MORC1: variants seen among roughly 807,000 people sequenced by gnomAD.
MORC1 encodes MORC family CW-type zinc finger 1.
A neutral mutation model predicts 134.9 loss-of-function variants in MORC1; 59 were observed. That is an observed-to-expected ratio of 0.44 (90% CI 0.35 to 0.54). The LOEUF (loss-of-function observed/expected upper bound fraction) is 0.54. Ranked by LOEUF, MORC1 falls within the 20% of genes least tolerant of loss-of-function variation. The pLI, the probability that MORC1 is intolerant of heterozygous loss-of-function variation, is 0.00. For synonymous variants in MORC1, 395 were observed against 391.7 expected, an observed-to-expected ratio of 1.01 and a Z score of -0.10; for missense variants, 947 against 1,134.5, an observed-to-expected ratio of 0.83 and a Z score of 2.37.
At chr3:108,960,384 G>A (rs1035026000) in intron 27 of MORC1, among the ~76,000 whole-genome samples, 3 of 152,170 alleles carry the variant, frequency 2.0e-5, no homozygotes, top group South Asian at 2.1e-4. Context: ...ATGGGATCAC[G>A]ATCCTGAAGG....
intron 13 of MORC1, among the ~76,000 whole-genome samples, chr3:109,055,259 T>C (rs1380966539): frequency 6.6e-6 from 1 of 152,196 alleles, no homozygotes; most frequent in Admixed American, 6.5e-5. Context: ...ACCCCTTTCT[T>C]TCTCCGCATT....
chr3:109,108,492 T>C (rs1951086089), intron 3 of MORC1, among the ~76,000 whole-genome samples: 1 of 152,172 alleles, frequency 6.6e-6, no homozygotes, highest in African/African-American at 2.4e-5. Flanking sequence ...ATAATTCTCA[T>C]GAAATCTTGC....
At chr3:108,993,687 C>G (rs1362099731) in intron 21 of MORC1, among the ~76,000 whole-genome samples, 1 of 152,106 alleles carries the variant, frequency 6.6e-6, no homozygotes, top group Admixed American at 6.6e-5. Context: ...ACTACCTGTA[C>G]AGTTTTCTAT....
intron 23 of MORC1, among the ~76,000 whole-genome samples, chr3:108,980,362 A>G (rs1436488880): frequency 6.6e-6 from 1 of 152,074 alleles, no homozygotes. Context: ...CCACCTAGAG[A>G]GTTTTCAGCC....
At chr3:108,997,347 G>T (rs1405116064) in intron 21 of MORC1, among the ~76,000 whole-genome samples, 1 of 152,048 alleles carries the variant, frequency 6.6e-6, no homozygotes, top group Non-Finnish European at 1.5e-5. Context: ...GCCTTGCCAA[G>T]ATGGAAAAAC....
rs372976322 is a variant in MORC1 at position 108,969,690 on chromosome 3, C to T, written c.2583G>A (p.Lys861=). The change falls in exon 26 of 28, where the codon AAG becomes AAA. Residue 861 remains lysine, a synonymous_variant. Coordinates refer to ENST00000232603, the MANE Select transcript of MORC1 (RefSeq NM_014429.4). ...TTACCTGGTTGAAACACATTTTCAG[C>T]TTTTTGTTCATCTGCTCTGGGCACT... ...LEQCPEQMNK[K]LKMCFNQIQN... is the part of the protein sequence containing the mutation. The T allele has an allele frequency of 6.2e-7, 1 of 1,613,800 alleles. No individual in the cohort carries two copies. The highest frequency in any genetic ancestry group is 8.5e-7 in the Non-Finnish European group (1 of 1,179,816).
chr3:109,004,742 C>T (rs1320737755), intron 20 of MORC1, 75 bp downstream of exon 20: 3 of 1,400,308 alleles, frequency 2.1e-6, no homozygotes, highest in Non-Finnish European at 3.0e-6. Context: ...GCATTGAATG[C>T]AAAACTTAAA....
At chr3:108,976,689 T>G (rs1386906767) in intron 24 of MORC1, among the ~76,000 whole-genome samples, 4 of 152,200 alleles carry the variant, frequency 2.6e-5, no homozygotes, top group African/African-American at 9.6e-5. Flanking sequence ...AATAAAATAA[T>G]CACCATACAA....
intron 1 of MORC1, among the ~76,000 whole-genome samples, chr3:109,116,070 G>A (rs1951267236): frequency 2.6e-5 from 4 of 152,166 alleles, no homozygotes; most frequent in Admixed American, 2.0e-4. Flanking sequence ...TCCGCTTATG[G>A]TAAAATGGGG....
At chr3:108,968,440 G>A (rs966773041) in intron 26 of MORC1, among the ~76,000 whole-genome samples, 2 of 152,138 alleles carry the variant, frequency 1.3e-5, no homozygotes, top group Non-Finnish European at 2.9e-5. Context: ...GAAGGAATAT[G>A]GTTTAGGTTC....
intron 6 of MORC1, 140 bp downstream of exon 6, chr3:109,099,218 A>T: frequency 1.7e-6 from 1 of 598,144 alleles, no homozygotes; most frequent in Non-Finnish European, 2.8e-6. Context: ...ATGTCTTGAT[A>T]CCTTCTCTCC....
intron 8 of MORC1, among the ~76,000 whole-genome samples, chr3:109,072,853 T>C (rs1020395627): frequency 6.6e-6 from 1 of 152,100 alleles, no homozygotes; most frequent in Non-Finnish European, 1.5e-5. Context: ...AGTGTCCATA[T>C]CTCTATCTTT....
chr3:109,100,962 C>T (rs1461742699), intron 4 of MORC1, among the ~76,000 whole-genome samples: 1 of 152,060 alleles, frequency 6.6e-6, no homozygotes, highest in Admixed American at 6.5e-5. Flanking sequence ...TTTTGGTATC[C>T]TAGAAAGGTC....
chr3:109,080,825 G>A lies in MORC1; in HGVS notation c.690-11068C>T, dbSNP rs187138955. On this transcript the variant is annotated intron_variant, in intron 8 of 27. Coordinates refer to ENST00000232603, the MANE Select transcript of MORC1 (RefSeq NM_014429.4). ...AATATTAAAATACATTATAAAGGCT[G>A]TAGCAATTAAGTTCTAATGGGGCAG... 2.1e-3 allele frequency among the ~76,000 whole-genome samples: 321 copies of A among 152,146 alleles called. 5 individuals are homozygous for A. The highest frequency in any genetic ancestry group is 7.7e-3 in the East Asian group (40 of 5,176).
chr3:109,085,811 C>T (rs1174744867), intron 8 of MORC1, among the ~76,000 whole-genome samples: 3 of 152,060 alleles, frequency 2.0e-5, no homozygotes, highest in Non-Finnish European at 4.4e-5. Flanking sequence ...TACTGCAGCA[C>T]TATTCAACAT....
intron 3 of MORC1, among the ~76,000 whole-genome samples, chr3:109,104,292 T>C (rs1050663328): frequency 4.6e-5 from 7 of 152,310 alleles, no homozygotes; most frequent in Admixed American, 2.0e-4. Flanking sequence ...GACCAACCTC[T>C]GTGCCCTTCC....
intron 17 of MORC1, among the ~76,000 whole-genome samples, chr3:109,014,750 T>C (rs571650936): frequency 1.3e-5 from 2 of 152,250 alleles, no homozygotes; most frequent in Middle Eastern, 6.8e-3. Flanking sequence ...ATTTTATAAG[T>C]TCTATAAATT....
At chr3:109,105,097 T>TA (rs1210246098) in intron 3 of MORC1, among the ~76,000 whole-genome samples, 2 of 152,114 alleles carry the variant, frequency 1.3e-5, no homozygotes, top group African/African-American at 4.8e-5. Context: ...AAAAGTCACT[T>TA]AGAGACTGGA....
chr3:109,102,185 T>C (rs1385905042), intron 4 of MORC1, among the ~76,000 whole-genome samples: 2 of 152,080 alleles, frequency 1.3e-5, no homozygotes, highest in African/African-American at 4.8e-5. Context: ...CACTGGCAGA[T>C]GGTTAACATG....
Sources: gnomAD v4.1 joint callset for allele counts (sites outside exome capture counted in the v4.1 genomes callset) on GRCh38, gnomAD v4.1.1 for gene constraint, MANE v1.5 for transcripts, NCBI Gene and HGNC (gene_info 2026-07-23, HGNC 2026-07-21) for gene names.